The following SREK1 variants were observed in gnomAD, a reference collection of about 807,000 sequenced individuals.
The protein encoded by SREK1 is splicing regulatory glutamine/lysine-rich protein 1.
In SREK1, 13 loss-of-function variants were observed where a neutral mutation model predicts 66.5. The ratio of observed to expected loss-of-function variants is 0.20; its 90% CI spans 0.13 to 0.31. SREK1 has a LOEUF of 0.31. Ranked by LOEUF, SREK1 falls within the 10% of genes least tolerant of loss-of-function variation. The pLI, the probability that SREK1 is intolerant of heterozygous loss-of-function variation, is 1.00. For synonymous variants in SREK1, 265 were observed against 263.5 expected (o/e 1.01, Z -0.05); for missense variants, 607 against 769.6 (o/e 0.79, Z 2.50).
At chr5:66,150,197 A>AT (rs1157119319) in intron 1 of SREK1, among the ~76,000 whole-genome samples, 3 of 152,208 alleles carry the variant, frequency 2.0e-5, no homozygotes, top group African/African-American at 7.2e-5. Flanking sequence ...AGAGAAGCTT[A>AT]TAGGATCTTT....
rs1033039912 is a variant in SREK1 at position 66,181,546 on chromosome 5, C to T, written c.*2678C>T. 2 of 151,936 alleles carry T rather than the reference C, an allele frequency of 1.3e-5. No homozygotes were observed. The highest frequency in any genetic ancestry group is 2.9e-5 in the Non-Finnish European group (2 of 67,984). 9.4% of individuals were successfully genotyped at this position (151,936 alleles called of 1,614,324 possible). Reference sequence around the variant, plus strand: ...TTTGTAGCTTGATTACATAGAGTACCCTCTCTTCCTTAAGTTGTAGTTGCT... The same window carrying T: ...TTTGTAGCTTGATTACATAGAGTACTCTCTCTTCCTTAAGTTGTAGTTGCT... On this transcript the variant is annotated 3_prime_UTR_variant, in exon 12 of 12. Coordinates refer to ENST00000334121, the MANE Select transcript of SREK1 (RefSeq NM_001077199.3).
rs768073597 is a variant in SREK1 at position 66,164,904 on chromosome 5, A to AT, written c.1001+10dup. ...GATCACAATCAAAACACAGGTGAGA[A>AT]TTTCTGCTGTCATATTTAAATTTTA... On this transcript the variant is annotated splice_region_variant and intron_variant, in intron 7 of 11. Transcript: ENST00000334121. 2.3e-5 allele frequency: 37 copies of AT among 1,602,058 alleles called. No homozygotes were observed. Among genetic ancestry groups the AT allele is most frequent in the Non-Finnish European group, 2.9e-5 (34 of 1,174,208 alleles).
At chr5:66,152,670 G>T (rs533616776) in intron 1 of SREK1, among the ~76,000 whole-genome samples, 5 of 152,128 alleles carry the variant, frequency 3.3e-5, no homozygotes, top group East Asian at 1.9e-4. Flanking sequence ...TACAGATTAC[G>T]TATGTACTTA....
At chr5:66,175,147 A>T in intron 10 of SREK1, 106 bp downstream of exon 10, 1 of 870,032 alleles carries the variant, frequency 1.1e-6, no homozygotes, top group Non-Finnish European at 1.7e-6. Context: ...TTGAATGAAT[A>T]ATACATATGC....
At chr5:66,169,353 A>C (rs1745436223) in intron 7 of SREK1, 3 of 152,328 alleles carry the variant, frequency 2.0e-5, no homozygotes, top group Admixed American at 2.0e-4. Flanking sequence ...TGATGCTCAA[A>C]GGAAATGCTC....
Position 66,180,807 on chromosome 5 carries a change from T to A in SREK1, c.*1939T>A, listed in dbSNP as rs1746425055. The A allele has an allele frequency of 6.6e-6, 1 of 152,600 alleles. No homozygotes were observed. Among genetic ancestry groups the A allele is most frequent in the Admixed American group, 6.5e-5 (1 of 15,272 alleles). The allele number at this position is 152,600 out of a possible 1,614,324, so 9.5% of individuals were successfully genotyped here. On this transcript the variant is annotated 3_prime_UTR_variant, in exon 12 of 12. Transcript: ENST00000334121. ...ATCAACAGCTGTCTTATTTATGATA[T>A]ATAAGTAGAAATAGAGCAAATGTTG... is the stretch of plus-strand genomic sequence containing the variant.
At chr5:66,155,813 A>G (rs981814496) in intron 2 of SREK1, among the ~76,000 whole-genome samples, 1 of 152,252 alleles carries the variant, frequency 6.6e-6, no homozygotes. Context: ...AGCCTTTGTT[A>G]ATAAAACATG....
intron 9 of SREK1, among the ~76,000 whole-genome samples, chr5:66,171,949 A>G (rs696303): frequency 0.01 from 1,527 of 152,314 alleles, 9 homozygotes; most frequent in Middle Eastern, 0.014. Flanking sequence ...TATGAGAAGT[A>G]TAGTAGCCCT....
In SREK1 at chr5:66,170,666, G is replaced by A; in HGVS notation, c.1203G>A (p.Arg401=). The A allele has an allele frequency of 3.7e-6, 6 of 1,612,326 alleles. No individual in the cohort carries two copies. The highest frequency in any genetic ancestry group is 5.1e-6 in the Non-Finnish European group (6 of 1,179,406). Residue 401 remains arginine (R), a synonymous_variant, in exon 9 of 12, where the codon AGG becomes AGA. Coordinates refer to ENST00000334121, the MANE Select transcript of SREK1 (RefSeq NM_001077199.3). The part of the protein sequence containing the change: ...KEKDREKERE[R]EKEREKEKER... ...AAGACAGGGAAAAGGAGAGAGAGAG[G>A]GAAAAGGAACGTGAAAAAGAAAAGG...
intron 9 of SREK1, among the ~76,000 whole-genome samples, chr5:66,171,598 A>G (rs1372946389): frequency 1.3e-5 from 2 of 152,208 alleles, no homozygotes; most frequent in Non-Finnish European, 2.9e-5. Flanking sequence ...ATGACTGTAA[A>G]TGGAAGTTCC....
intron 9 of SREK1, among the ~76,000 whole-genome samples, chr5:66,173,820 T>A (rs1745844322): frequency 6.6e-6 from 1 of 152,252 alleles, no homozygotes; most frequent in African/African-American, 2.4e-5. Flanking sequence ...ATGTCATTGA[T>A]GTAATCAAAT....
chr5:66,154,791 A>G (rs922903446), intron 2 of SREK1, among the ~76,000 whole-genome samples: 4 of 152,144 alleles, frequency 2.6e-5, no homozygotes, highest in Non-Finnish European at 5.9e-5. Flanking sequence ...AATGGATTAA[A>G]GTTAATTATT....
chr5:66,147,538 C>T (rs1743356852), intron 1 of SREK1, among the ~76,000 whole-genome samples: 1 of 152,120 alleles, frequency 6.6e-6, no homozygotes, highest in Non-Finnish European at 1.5e-5. Context: ...GAAGGGTAAG[C>T]CTACCCTGAT....
chr5:66,169,597 G>A (rs1230047663), intron 7 of SREK1: 2 of 152,196 alleles, frequency 1.3e-5, no homozygotes, highest in Non-Finnish European at 2.9e-5. Flanking sequence ...TTTAACTTAT[G>A]AGTAATGATT....
At chr5:66,151,110 G>A (rs887658873) in intron 1 of SREK1, among the ~76,000 whole-genome samples, 5 of 152,122 alleles carry the variant, frequency 3.3e-5, no homozygotes, top group African/African-American at 9.7e-5. Context: ...CATAGTGCTA[G>A]GATTACAGGC....
Position 66,144,427 on chromosome 5 carries a change from C to G in SREK1, c.51C>G (p.Pro17=). 34 of 1,551,700 alleles carry G rather than the reference C, an allele frequency of 2.2e-5. No individual in the cohort carries two copies. The highest frequency in any genetic ancestry group is 2.8e-5 in the Non-Finnish European group (32 of 1,146,990). Residue 17 remains proline, a synonymous_variant, in exon 1 of 12, where the codon CCC becomes CCG. Transcript: ENST00000334121. ...FGLGLGFGLT[P]TSVIQVTNLS... ...TGGGCTTAGGCTTCGGCCTCACCCCCACGTCGGTGATTCAGGTGACGAATC... is the reference window on the plus strand; with the variant it reads ...TGGGCTTAGGCTTCGGCCTCACCCCGACGTCGGTGATTCAGGTGACGAATC...
In SREK1 at chr5:66,144,331, C is replaced by CG; in HGVS notation, c.-45dup. Reference sequence around the variant, plus strand: ...CGCTTTCCCGGCTCCGTCGCTGACGCGTCGTAGACGTTGGGGAGCGGGAAG... The same window carrying CG: ...CGCTTTCCCGGCTCCGTCGCTGACGCGGTCGTAGACGTTGGGGAGCGGGAAG... On this transcript the variant is annotated 5_prime_UTR_variant, in exon 1 of 12. Transcript: ENST00000334121. 1 of 1,417,488 alleles carries CG rather than the reference C, an allele frequency of 7.1e-7. No homozygotes were observed. The highest frequency in any genetic ancestry group is 9.5e-7 in the Non-Finnish European group (1 of 1,050,642). The allele number at this position is 1,417,488 out of a possible 1,614,324, so 87.8% of individuals were successfully genotyped here.
chr5:66,170,454 TA>T, intron 8 of SREK1, 130 bp from the exon 9 acceptor site: 1 of 1,251,122 alleles, frequency 8.0e-7, no homozygotes, highest in Non-Finnish European at 1.1e-6. Flanking sequence ...CTGAGCTATA[TA>T]AAAATGTATA....
rs1746289060 is a variant in SREK1, at chr5:66,178,890, A to C, written c.*22A>C. On this transcript the variant is annotated 3_prime_UTR_variant, in exon 12 of 12. Coordinates refer to ENST00000334121, the MANE Select transcript of SREK1 (RefSeq NM_001077199.3). Reference sequence around the variant, plus strand: ...ATAGGACCGACAAGTGTACCTCTGCACTCAATGCTGGAATCAAATCCAAAG... The same window carrying C: ...ATAGGACCGACAAGTGTACCTCTGCCCTCAATGCTGGAATCAAATCCAAAG... 1.3e-6 allele frequency: 2 copies of C among 1,562,152 alleles called. No individual in the cohort carries two copies. The highest frequency in any genetic ancestry group is 1.7e-6 in the Non-Finnish European group (2 of 1,152,628).
Sources: gnomAD v4.1 joint callset for allele counts (sites outside exome capture counted in the v4.1 genomes callset) on GRCh38, gnomAD v4.1.1 for gene constraint, MANE v1.5 for transcripts, NCBI Gene and HGNC (gene_info 2026-07-23, HGNC 2026-07-21) for gene names.